Variants in STAT1 observed in about 807,000 individuals in gnomAD.
The protein encoded by STAT1 is signal transducer and activator of transcription 1, also known as signal transducer and activator of transcription 1-alpha/beta.
A neutral mutation model predicts 111.7 loss-of-function variants in STAT1; 24 were observed. The ratio of observed to expected loss-of-function variants is 0.21; its 90% confidence interval spans 0.16 to 0.30. STAT1 has a LOEUF of 0.30. STAT1 is among the 10% of genes least tolerant of loss of function. STAT1 has a pLI of 1.00. For synonymous variants in STAT1, 332 were observed against 326.5 expected, an observed-to-expected ratio of 1.02 and a Z score of -0.18; for missense variants, 351 against 911.9, an observed-to-expected ratio of 0.38 and a Z score of 7.92.
chr2:190,997,945 A>T lies in STAT1; in HGVS notation c.696T>A (p.Ile232=). The stretch of plus-strand genomic sequence containing the variant: ...GCTTCCACTCCACTAGTTCATCATT[A>T]ATCAGGGCATTCTGGGTAAGTTCAG... The part of the protein sequence containing the change: ...NVTELTQNAL[I]NDELVEWKRR... Residue 232 remains isoleucine, a synonymous_variant, in exon 9 of 25, where the codon ATT becomes ATA. Coordinates refer to ENST00000361099, the MANE Select transcript of STAT1 (RefSeq NM_007315.4). This position sits in a 1 kb window ranked among gnomAD's most constrained non-coding sequence, Gnocchi z 7.3. 6.2e-7 allele frequency: 1 copy of T among 1,614,222 alleles called. No individual in the cohort carries two copies.
chr2:190,997,990 T>A lies in STAT1; in HGVS notation c.651A>T (p.Ile217=), dbSNP rs1026974645. 1.2e-6 allele frequency: 2 copies of A among 1,614,236 alleles called. No individual in the cohort carries two copies. Among genetic ancestry groups the A allele is most frequent in the Non-Finnish European group, 8.5e-7 (1 of 1,180,038 alleles). The part of the protein sequence containing the change: ...DNKRKEVVHK[I]IELLNVTELT... Reference sequence around the variant, plus strand: ...GTTCAGTGACATTCAGCAACTCTATTATTTTGTGAACTACTTCCTAAAGGC... The same window carrying A: ...GTTCAGTGACATTCAGCAACTCTATAATTTTGTGAACTACTTCCTAAAGGC... The change falls in exon 9 of 25, where the codon ATA becomes ATT. Residue 217 remains isoleucine (I), a synonymous_variant. Transcript: ENST00000361099. This position sits in a 1 kb window ranked among gnomAD's most constrained non-coding sequence, Gnocchi z 7.3.
rs780754780 is a variant in STAT1 at position 190,993,254 on chromosome 2, C to A, written c.944+1807G>T. 1 of 600,520 alleles carries A rather than the reference C, an allele frequency of 1.7e-6. No individual in the cohort carries two copies. 37.2% of individuals were successfully genotyped at this position (600,520 alleles called of 1,614,324 possible). On this transcript the variant is annotated intron_variant, in intron 10 of 24. Transcript: ENST00000361099. The surrounding 1 kb of genome is among the most constrained non-coding windows in gnomAD (Gnocchi z 4.1). ...GGGATAATGATCTATTTTCTGCAGT[C>A]ACTGTTTAATATTATTGAAGGACTC... is the stretch of plus-strand genomic sequence containing the variant.
At position 190,995,734 on chromosome 2, in the gene STAT1, G is replaced by T. The variant is rs1027323921; in HGVS notation, c.786-515C>A. ...CCCTCTAGGGAAAAACAAAGGGAAC[G>T]AGGCTTGTGCCAGCAGTAGAAGCTT... is the stretch of plus-strand genomic sequence containing the variant. On this transcript the variant is annotated intron_variant, in intron 9 of 24. Coordinates refer to ENST00000361099, the MANE Select transcript of STAT1 (RefSeq NM_007315.4). The surrounding 1 kb of genome is among the most constrained non-coding windows in gnomAD (Gnocchi z 4.2). Among the ~76,000 whole-genome samples, 2 of 152,174 alleles carry T rather than the reference G, an allele frequency of 1.3e-5. No homozygotes were observed. The highest frequency in any genetic ancestry group is 2.9e-5 in the Non-Finnish European group (2 of 68,036).
Position 191,000,765 on chromosome 2 carries a change from A to T in STAT1, c.462+309T>A, listed in dbSNP as rs1194126473. The stretch of plus-strand genomic sequence containing the variant: ...ACTGTGATTTGAGAGGTGTGGACAT[A>T]AAGGCCCATTTAGAGCAGCAACATC... On this transcript the variant is annotated intron_variant, in intron 6 of 24. Coordinates refer to ENST00000361099, the MANE Select transcript of STAT1 (RefSeq NM_007315.4). The surrounding 1 kb of genome is among the most constrained non-coding windows in gnomAD (Gnocchi z 4.8). Among the ~76,000 whole-genome samples, 1 of 152,184 alleles carries T rather than the reference A, an allele frequency of 6.6e-6. No individual in the cohort carries two copies. Among genetic ancestry groups the T allele is most frequent in the Non-Finnish European group, 1.5e-5 (1 of 68,034 alleles).
chr2:190,973,981 C>T lies in STAT1; in HGVS notation c.2238+849G>A, dbSNP rs1691701961. On this transcript the variant is annotated intron_variant, in intron 24 of 24. Transcript: ENST00000361099. The surrounding 1 kb of genome is among the most constrained non-coding windows in gnomAD (Gnocchi z 4.4). ...CCTGCCTTCCTCTCTTTGTTGAGCA[C>T]CTACTTTTTGCCAGGCACCGGGTAT... is the stretch of plus-strand genomic sequence containing the variant. Among the ~76,000 whole-genome samples the T allele has an allele frequency of 6.6e-6, 1 of 152,080 alleles. No homozygotes were observed. The highest frequency in any genetic ancestry group is 2.4e-5 in the African/African-American group (1 of 41,380).
In STAT1 at chr2:190,980,116, T is replaced by C. The variant is rs889813200; in HGVS notation, c.1633-250A>G. Among the ~76,000 whole-genome samples, 17 of 152,138 alleles carry C rather than the reference T, an allele frequency of 1.1e-4. No homozygotes were observed. The highest frequency in any genetic ancestry group is 3.4e-4 in the African/African-American group (14 of 41,430). On this transcript the variant is annotated intron_variant, in intron 19 of 24. Coordinates refer to ENST00000361099, the MANE Select transcript of STAT1 (RefSeq NM_007315.4). This position sits in a 1 kb window ranked among gnomAD's most constrained non-coding sequence, Gnocchi z 6.1. ...GGGCTCTGCTTCCCTTTCCAAACAGTAGCAAGCTAGCCTGGGGGTGACCTC... is the reference window on the plus strand; with the variant it reads ...GGGCTCTGCTTCCCTTTCCAAACAGCAGCAAGCTAGCCTGGGGGTGACCTC...
Position 191,008,993 on chromosome 2 carries a change from A to G in STAT1, c.243T>C (p.His81=), listed in dbSNP as rs759293645. 1.9e-6 allele frequency: 3 copies of G among 1,613,304 alleles called. No individual in the cohort carries two copies. In the Admixed American group the frequency reaches 5.0e-5, roughly 27 times the overall value. The change falls in exon 4 of 25, where the codon CAT becomes CAC. Residue 81 remains histidine, a synonymous_variant. Coordinates refer to ENST00000361099, the MANE Select transcript of STAT1 (RefSeq NM_007315.4). ...GATTACGCTTGCTTTTCCTTATGTT[A>G]TGCTGTAGCAAGAAGTTATTCTCCA... is the stretch of plus-strand genomic sequence containing the variant. ...FSLENNFLLQ[H]NIRKSKRNLQ...
chr2:190,994,464 A>G (rs1693658109), intron 10 of STAT1, among the ~76,000 whole-genome samples: 1 of 152,024 alleles, frequency 6.6e-6, no homozygotes, highest in East Asian at 1.9e-4. Context: ...AGAGCCTGAG[A>G]CATGAGGAGG....
rs2124997819 is a variant in STAT1, at chr2:190,976,161, C to A, written c.2060-274G>T. The stretch of plus-strand genomic sequence containing the variant: ...TCTCTTTACACAACTTGAAATCTTA[C>A]AAGAAGTCTGAGCCCAAAATATGCA... On this transcript the variant is annotated intron_variant, in intron 22 of 24. Transcript: ENST00000361099. The surrounding 1 kb of genome is among the most constrained non-coding windows in gnomAD (Gnocchi z 6.0). 6.6e-6 allele frequency among the ~76,000 whole-genome samples: 1 copy of A among 152,324 alleles called. No homozygotes were observed. Among genetic ancestry groups the A allele is most frequent in the Non-Finnish European group, 1.5e-5 (1 of 68,022 alleles).
At chr2:191,008,854 C>G (rs1694908530) in intron 4 of STAT1, 109 bp downstream of exon 4, 6 of 1,206,918 alleles carry the variant, frequency 5.0e-6, no homozygotes, top group Non-Finnish European at 7.0e-6. Flanking sequence ...GTCTCTATTA[C>G]TTCTCTAAAT....
chr2:190,982,545 G>C lies in STAT1; in HGVS notation c.1447-27C>G, dbSNP rs376972225. ...TAGAGAGAAAACACCCAAAATCTAA[G>C]GGTTACTACAGAGACACCAGTCACA... On this transcript the variant is annotated intron_variant, in intron 17 of 24. Coordinates refer to ENST00000361099, the MANE Select transcript of STAT1 (RefSeq NM_007315.4). This position sits in a 1 kb window ranked among gnomAD's most constrained non-coding sequence, Gnocchi z 7.3. 1.2e-6 allele frequency: 2 copies of C among 1,613,594 alleles called. No individual in the cohort carries two copies. Among genetic ancestry groups the C allele is most frequent in the African/African-American group, 2.7e-5 (2 of 74,862 alleles).
rs1024758262 is a variant in STAT1 at position 190,993,726 on chromosome 2, C to T, written c.944+1335G>A. 1.3e-5 allele frequency among the ~76,000 whole-genome samples: 2 copies of T among 151,930 alleles called. No homozygotes were observed. The highest frequency in any genetic ancestry group is 2.4e-5 in the African/African-American group (1 of 41,342). ...TGCCCCCTGGAACGCAATCAGCAGC[C>T]GCTGCCACTCAGCTATTGCTTCCAC... On this transcript the variant is annotated intron_variant, in intron 10 of 24. Transcript: ENST00000361099. The surrounding 1 kb of genome is among the most constrained non-coding windows in gnomAD (Gnocchi z 4.1).
chr2:190,992,703 G>C, intron 10 of STAT1: 1 of 1,266,140 alleles, frequency 7.9e-7, no homozygotes, highest in South Asian at 2.0e-5. Flanking sequence ...GGACTTCTCA[G>C]CACCACCAGC....
rs2124994229 is a variant in STAT1, at chr2:190,975,147, AG to A, written c.2136-216del. On this transcript the variant is annotated intron_variant, in intron 23 of 24. Coordinates refer to ENST00000361099, the MANE Select transcript of STAT1 (RefSeq NM_007315.4). This position sits in a 1 kb window ranked among gnomAD's most constrained non-coding sequence, Gnocchi z 5.9. Reference sequence around the variant, plus strand: ...CCCCTTGGGAAATGTTTCACACTCCAGGGATGTGATAAGCAATAGCCAGACT... The same window carrying A: ...CCCCTTGGGAAATGTTTCACACTCCAGGATGTGATAAGCAATAGCCAGACT... Among the ~76,000 whole-genome samples, 1 of 152,342 alleles carries A rather than the reference AG, an allele frequency of 6.6e-6. No individual in the cohort carries two copies. The highest frequency in any genetic ancestry group is 6.5e-5 in the Admixed American group (1 of 15,306).
At chr2:190,985,763 C>G in intron 14 of STAT1, 103 bp from the exon 15 acceptor site, 1 of 1,249,544 alleles carries the variant, frequency 8.0e-7, no homozygotes, top group Non-Finnish European at 1.2e-6. Context: ...GAATGACAGA[C>G]GTGACTTTAT....
intron 4 of STAT1, 117 bp downstream of exon 4, chr2:191,008,846 C>G: frequency 9.3e-7 from 1 of 1,076,252 alleles, no homozygotes; most frequent in Non-Finnish European, 1.3e-6. Context: ...TGGAGTTAGT[C>G]TCTATTACTT....
Position 190,987,877 on chromosome 2 carries a change from A to G in STAT1, c.1098-809T>C, listed in dbSNP as rs1559012608. Among the ~76,000 whole-genome samples the G allele has an allele frequency of 6.6e-6, 1 of 152,196 alleles. No individual in the cohort carries two copies. Among genetic ancestry groups the G allele is most frequent in the Non-Finnish European group, 1.5e-5 (1 of 68,036 alleles). On this transcript the variant is annotated intron_variant, in intron 12 of 24. Coordinates refer to ENST00000361099, the MANE Select transcript of STAT1 (RefSeq NM_007315.4). This position sits in a 1 kb window ranked among gnomAD's most constrained non-coding sequence, Gnocchi z 4.0. Reference sequence around the variant, plus strand: ...GACCTATTTTCCCGTTTGGAAAAAAAAAGAATTTAAAATAAAAGGGATAGT... The same window carrying G: ...GACCTATTTTCCCGTTTGGAAAAAAGAAGAATTTAAAATAAAAGGGATAGT...
intron 5 of STAT1, among the ~76,000 whole-genome samples, chr2:191,002,919 C>T (rs568990432): frequency 2.6e-4 from 39 of 152,286 alleles, no homozygotes; most frequent in South Asian, 1.2e-3. Context: ...CTCCTTGTAG[C>T]TATTAATTTA....
chr2:190,988,308 G>A (rs1346137279), intron 12 of STAT1, among the ~76,000 whole-genome samples: 1 of 152,182 alleles, frequency 6.6e-6, no homozygotes, highest in Non-Finnish European at 1.5e-5. Flanking sequence ...AACCACACTA[G>A]CTCAGACCAG....
Sources: gnomAD v4.1 joint callset for allele counts (sites outside exome capture counted in the v4.1 genomes callset) on GRCh38, gnomAD v4.1.1 for gene constraint, Gnocchi (gnomAD v3.1) non-coding constraint, MANE v1.5 for transcripts, NCBI Gene and HGNC (gene_info 2026-07-23, HGNC 2026-07-21) for gene names.